The following RBSN variants were observed in gnomAD, a reference collection of about 807,000 sequenced individuals.
RBSN encodes rabenosyn, RAB effector, also known as rabenosyn-5.
A neutral mutation model predicts 60.5 loss-of-function variants in RBSN; 34 were observed. That is an observed-to-expected ratio of 0.56 (90% confidence interval 0.43 to 0.75). RBSN has a LOEUF of 0.75. RBSN is among the 30% of genes least tolerant of loss of function. The pLI is 0.00. For synonymous variants in RBSN, 322 were observed against 366.9 expected (o/e 0.88, Z 1.40); for missense variants, 845 against 986.8 (o/e 0.86, Z 1.92).
At chr3:15,091,913 C>CT (rs2043526916) in intron 4 of RBSN, among the ~76,000 whole-genome samples, 1 of 152,250 alleles carries the variant, frequency 6.6e-6, no homozygotes, top group Non-Finnish European at 1.5e-5. Flanking sequence ...AAGACGCTCT[C>CT]TCATGAATGT....
rs2042986340 is a variant in RBSN at position 15,074,127 on chromosome 3, CTCCTCGTCCTCT to C, written c.1998_2009del (p.Asp668_Glu671del). 1.9e-6 allele frequency: 3 copies of C among 1,614,020 alleles called. No individual in the cohort carries two copies. Among genetic ancestry groups the C allele is most frequent in the African/African-American group, 2.7e-5 (2 of 74,900 alleles). On this transcript the variant is annotated inframe_deletion, in exon 14 of 14. Transcript: ENST00000253699. This position sits in a 1 kb window ranked among gnomAD's most constrained non-coding sequence, Gnocchi z 6.4. ...ATGGATTCCCTGCCACTGCTTCCTC[CTCCTCGTCCTCT>C]TCCTCGAAAGGATTGTACTCTTTCA...
intron 4 of RBSN, among the ~76,000 whole-genome samples, chr3:15,094,763 G>A (rs895564032): frequency 6.6e-6 from 1 of 152,058 alleles, no homozygotes; most frequent in East Asian, 1.9e-4. Flanking sequence ...CTTTTTTACT[G>A]AACAGAAAAG....
Position 15,074,853 on chromosome 3 carries a change from T to C in RBSN, c.1284A>G (p.Ala428=). The part of the protein sequence containing the change: ...LASRAANGEV[A]SLRRGPAPLR... ...AGGGGGCAGGGCCCCTGCGGAGAGA[T>C]GCCACCTCCCCGTTGGCCGCTCGAG... The change falls in exon 14 of 14, where the codon GCA becomes GCG. Residue 428 remains alanine (A), a synonymous_variant. Coordinates refer to ENST00000253699, the MANE Select transcript of RBSN (RefSeq NM_022340.4). The surrounding 1 kb of genome is among the most constrained non-coding windows in gnomAD (Gnocchi z 6.4). 1 of 1,614,176 alleles carries C rather than the reference T, an allele frequency of 6.2e-7. No individual in the cohort carries two copies. Among genetic ancestry groups the C allele is most frequent in the South Asian group, 1.1e-5 (1 of 91,088 alleles).
intron 12 of RBSN, among the ~76,000 whole-genome samples, chr3:15,076,048 A>G (rs2043045983): frequency 6.6e-6 from 1 of 152,020 alleles, no homozygotes; most frequent in African/African-American, 2.4e-5. Context: ...AAGTTTCTCC[A>G]GAGCACTTTT....
intron 9 of RBSN, among the ~76,000 whole-genome samples, chr3:15,081,917 G>A (rs2043214465): frequency 6.6e-6 from 1 of 152,190 alleles, no homozygotes; most frequent in Non-Finnish European, 1.5e-5. Context: ...GACAAACTTA[G>A]AAGGGGACAC....
intron 9 of RBSN, among the ~76,000 whole-genome samples, chr3:15,081,976 T>C (rs2125165024): frequency 6.6e-6 from 1 of 152,320 alleles, no homozygotes; most frequent in Non-Finnish European, 1.5e-5. Flanking sequence ...CTAAAACTTG[T>C]AAAGTCTAAC....
At position 15,075,293 on chromosome 3, in the gene RBSN, T is replaced by C. The variant is rs773630376; in HGVS notation, c.1206+313A>G. ...TTCTGTTTAATATTGCATATACCGA[T>C]ATGTTCTACAAGGAACTTCCTAATG... On this transcript the variant is annotated intron_variant, in intron 13 of 13. Transcript: ENST00000253699. 1.8e-4 allele frequency: 108 copies of C among 612,930 alleles called. 1 individual carries two copies. Among genetic ancestry groups the C allele is most frequent in the Non-Finnish European group, 2.7e-4 (91 of 332,424 alleles). The allele number at this position is 612,930 out of a possible 1,614,324, so 38.0% of individuals were successfully genotyped here.
At chr3:15,089,479 A>AAAAAAACAAAAC (rs1559350675) in intron 5 of RBSN, among the ~76,000 whole-genome samples, 9 of 104,044 alleles carry the variant, frequency 8.7e-5, no homozygotes, top group African/African-American at 5.3e-4. Context: ...AAAAAAAAAC[A>AAAAAAACAAAAC]AAAAAAAAAA....
chr3:15,097,522 G>GTAAA (rs58929766), intron 2 of RBSN, among the ~76,000 whole-genome samples: 4,757 of 151,672 alleles, frequency 0.031, 94 homozygotes, highest in Middle Eastern at 0.065. Flanking sequence ...TCTCAAAAAA[G>GTAAA]TAAATAAATA....
Position 15,082,334 on chromosome 3 carries a change from A to T in RBSN, c.840+33T>A. The T allele has an allele frequency of 6.3e-7, 1 of 1,595,990 alleles. No homozygotes were observed. Among genetic ancestry groups the T allele is most frequent in the Non-Finnish European group, 8.6e-7 (1 of 1,164,974 alleles). ...TAACAAACAGCCAAATCTGCCTAAG[A>T]AATTAGACCCAAGACCAGACAGCGC... On this transcript the variant is annotated intron_variant, in intron 9 of 13. Transcript: ENST00000253699. This position sits in a 1 kb window ranked among gnomAD's most constrained non-coding sequence, Gnocchi z 4.2.
intron 2 of RBSN, among the ~76,000 whole-genome samples, chr3:15,097,852 G>C (rs1161769893): frequency 6.6e-6 from 1 of 152,054 alleles, no homozygotes; most frequent in Non-Finnish European, 1.5e-5. Context: ...AAACAAATGA[G>C]ACACCAGGTC....
chr3:15,080,867 G>A (rs2043187870), intron 9 of RBSN, 65 bp from the exon 10 acceptor site: 1 of 1,298,414 alleles, frequency 7.7e-7, no homozygotes. Flanking sequence ...CCAGAAGCTA[G>A]GCTCCATCAA....
At chr3:15,087,232 A>G (rs905090466) in intron 5 of RBSN, among the ~76,000 whole-genome samples, 1 of 152,154 alleles carries the variant, frequency 6.6e-6, no homozygotes, top group African/African-American at 2.4e-5. Context: ...AACTATAATC[A>G]GGCCAGGTGC....
chr3:15,093,279 C>A (rs2043564632), intron 4 of RBSN, among the ~76,000 whole-genome samples: 1 of 152,212 alleles, frequency 6.6e-6, no homozygotes, highest in African/African-American at 2.4e-5. Flanking sequence ...ACTTTACTTT[C>A]CTGATTCTGA....
At position 15,074,394 on chromosome 3, in the gene RBSN, T is replaced by A. The variant is rs1338814054; in HGVS notation, c.1743A>T (p.Pro581=). ...AAGGGGTCTTGGGAGCTGTGCTGCT[T>A]GGAACTGGGGAAGAGCCTAGATCCA... ...YALDLGSSPV[P]SSTAPKTPSL... The change falls in exon 14 of 14, where the codon CCA becomes CCT. Residue 581 remains proline, a synonymous_variant. Coordinates refer to ENST00000253699, the MANE Select transcript of RBSN (RefSeq NM_022340.4). This position sits in a 1 kb window ranked among gnomAD's most constrained non-coding sequence, Gnocchi z 6.4. 3 of 1,614,078 alleles carry A rather than the reference T, an allele frequency of 1.9e-6. No individual in the cohort carries two copies. Among genetic ancestry groups the A allele is most frequent in the Non-Finnish European group, 2.5e-6 (3 of 1,180,008 alleles).
At position 15,082,846 on chromosome 3, in the gene RBSN, TG is replaced by T. The variant is rs2043240318; in HGVS notation, c.599-239del. ...TTTCCACCTGCCACTCTCCTGCATT[TG>T]CCCTGTGCCTCCAACACAACAAACA... is the stretch of plus-strand genomic sequence containing the variant. On this transcript the variant is annotated intron_variant, in intron 8 of 13. Coordinates refer to ENST00000253699, the MANE Select transcript of RBSN (RefSeq NM_022340.4). The surrounding 1 kb of genome is among the most constrained non-coding windows in gnomAD (Gnocchi z 4.2). 6.6e-6 allele frequency among the ~76,000 whole-genome samples: 1 copy of T among 152,176 alleles called. No homozygotes were observed. The highest frequency in any genetic ancestry group is 1.5e-5 in the Non-Finnish European group (1 of 68,036).
chr3:15,091,804 C>T (rs2043524290), intron 4 of RBSN, among the ~76,000 whole-genome samples: 1 of 152,174 alleles, frequency 6.6e-6, no homozygotes, highest in South Asian at 2.1e-4. Flanking sequence ...ACAAACTATG[C>T]CTCTGCAGAA....
intron 4 of RBSN, among the ~76,000 whole-genome samples, chr3:15,094,251 G>T (rs2043592913): frequency 6.6e-6 from 1 of 152,168 alleles, no homozygotes; most frequent in Non-Finnish European, 1.5e-5. Context: ...GAAAATGATG[G>T]AAGCTCTTCG....
rs976963758 is a variant in RBSN, at chr3:15,084,088, T to C, written c.598+647A>G. Among the ~76,000 whole-genome samples, 6 of 152,198 alleles carry C rather than the reference T, an allele frequency of 3.9e-5. No homozygotes were observed. The highest frequency in any genetic ancestry group is 7.3e-5 in the Non-Finnish European group (5 of 68,036). On this transcript the variant is annotated intron_variant, in intron 8 of 13. Transcript: ENST00000253699. The surrounding 1 kb of genome is among the most constrained non-coding windows in gnomAD (Gnocchi z 4.2). ...GGCTGTTTCTATATGGCTCTCAAACTAAGTATAATTTTCACATTGCTATTT... is the reference window on the plus strand; with the variant it reads ...GGCTGTTTCTATATGGCTCTCAAACCAAGTATAATTTTCACATTGCTATTT...
Sources: gnomAD v4.1 joint callset for allele counts (sites outside exome capture counted in the v4.1 genomes callset) on GRCh38, gnomAD v4.1.1 for gene constraint, Gnocchi (gnomAD v3.1) non-coding constraint, MANE v1.5 for transcripts, NCBI Gene and HGNC (gene_info 2026-07-23, HGNC 2026-07-21) for gene names.